Variants in TMEM91 observed in about 807,000 individuals in gnomAD.
TMEM91 encodes dispanin subfamily C member 3.
A neutral mutation model predicts 13.3 loss-of-function variants in TMEM91; 6 were observed. The observed-to-expected ratio is 0.45, with a 90% CI of 0.25 to 0.89. The LOEUF (loss-of-function observed/expected upper bound fraction) is 0.89, where lower values mean the gene tolerates loss of function less well. Among genes scored for constraint, TMEM91 ranks in the 40% least tolerant of loss-of-function variants. The pLI, the probability that TMEM91 is intolerant of heterozygous loss-of-function variation, is 0.19. For missense variants in TMEM91, 193 were observed against 228.7 expected, an observed-to-expected ratio of 0.84 and a Z score of 1.01; for synonymous variants, 87 against 101.7, an observed-to-expected ratio of 0.86 and a Z score of 0.87.
chr19:41,382,787 GAC>G lies in TMEM91; in HGVS notation c.228_229del (p.Asp76GlufsTer2). ...PPDVEDMSSSDSDSDWDGGSR... is the reference protein window; with the variant it reads ...PPDVEDMSSSXSDSDWDGGSR... Reference sequence around the variant, plus strand: ...CTGTCCGTAGGACATGTCATCCAGTGACAGTGACTCGGACTGGGATGGAGGCA... The same window carrying G: ...CTGTCCGTAGGACATGTCATCCAGTGAGTGACTCGGACTGGGATGGAGGCA... On this transcript the variant is annotated frameshift_variant, in exon 3 of 4. Coordinates refer to ENST00000392002, the MANE Select transcript of TMEM91 (RefSeq NM_001098821.2). LOFTEE classifies it high-confidence loss of function. The G allele has an allele frequency of 1.2e-6, 2 of 1,614,054 alleles. No individual in the cohort carries two copies. The highest frequency in any genetic ancestry group is 1.7e-6 in the Non-Finnish European group (2 of 1,179,938).
chr19:41,371,325 C>CCTTG (rs2038614637), intron 1 of TMEM91, among the ~76,000 whole-genome samples: 4 of 142,508 alleles, frequency 2.8e-5, no homozygotes, highest in Admixed American at 2.1e-4. Flanking sequence ...TTCCTTCCTT[C>CCTTG]CTTCCTTCCT....
intron 2 of TMEM91, among the ~76,000 whole-genome samples, chr19:41,382,324 T>C (rs1056924640): frequency 6.6e-6 from 1 of 152,106 alleles, no homozygotes; most frequent in Non-Finnish European, 1.5e-5. Context: ...AGGATACAAA[T>C]GTCAAAAGCC....
chr19:41,372,544 T>G (rs1304689919), upstream of TMEM91, among the ~76,000 whole-genome samples: 1 of 152,154 alleles, frequency 6.6e-6, no homozygotes, highest in African/African-American at 2.4e-5. Flanking sequence ...CTTTGTTTTT[T>G]CATAACATTG....
chr19:41,383,059 T>A lies in TMEM91; in HGVS notation c.360+138T>A, dbSNP rs527643511. 3.4e-5 allele frequency: 44 copies of A among 1,287,436 alleles called. No homozygotes were observed. In the South Asian group the frequency reaches 5.7e-4, roughly 17 times the overall value. 79.8% of individuals were successfully genotyped at this position (1,287,436 alleles called of 1,614,324 possible). ...TGAACTCAAATCCTGAGTCTGCCAC[T>A]CTCTGCAAGATTTTTTTTGAGTCTC... is the stretch of plus-strand genomic sequence containing the variant. On this transcript the variant is annotated intron_variant, in intron 3 of 3. Transcript: ENST00000392002.
At chr19:41,370,000 A>G (rs1028881028) in intron 1 of TMEM91, among the ~76,000 whole-genome samples, 11 of 151,642 alleles carry the variant, frequency 7.3e-5, no homozygotes, top group African/African-American at 2.2e-4. Flanking sequence ...AAACAAAACA[A>G]CTCCCCTATT....
At chr19:41,369,506 TA>T (rs569474645) in intron 1 of TMEM91, among the ~76,000 whole-genome samples, 321 of 123,228 alleles carry the variant, frequency 2.6e-3, no homozygotes, top group South Asian at 1.0e-2. Context: ...ACTGCACCTC[TA>T]AAAAAAAAAA....
chr19:41,379,427 G>C (rs2038817924), intron 2 of TMEM91, among the ~76,000 whole-genome samples: 1 of 150,638 alleles, frequency 6.6e-6, no homozygotes, highest in Non-Finnish European at 1.5e-5. Flanking sequence ...CCAGCTACTT[G>C]GGAGGCTGAG....
intron 1 of TMEM91, among the ~76,000 whole-genome samples, chr19:41,367,460 G>A (rs890371714): frequency 1.6e-4 from 25 of 152,042 alleles, no homozygotes; most frequent in African/African-American, 6.0e-4. Flanking sequence ...ATGAAACCTC[G>A]TGTCTACTAA....
chr19:41,375,560 G>C (rs1175831583), upstream of TMEM91, among the ~76,000 whole-genome samples: 1 of 150,814 alleles, frequency 6.6e-6, no homozygotes, highest in Non-Finnish European at 1.5e-5. Flanking sequence ...TTACAGGCGT[G>C]AGCCACTGCG....
intron 2 of TMEM91, 133 bp from the exon 3 acceptor site, chr19:41,382,639 G>T: frequency 1.5e-6 from 2 of 1,291,522 alleles, no homozygotes; most frequent in Non-Finnish European, 2.1e-6. Flanking sequence ...GCCCATCTCT[G>T]AACACTTTTT....
At chr19:41,383,509 TTTA>T (rs939859648) in intron 3 of TMEM91, 114 of 1,440,296 alleles carry the variant, frequency 7.9e-5, no homozygotes, top group Admixed American at 6.1e-4. Context: ...TTTTTTAAAA[TTTA>T]TTATTATTAT....
chr19:41,377,561 G>C, intron 1 of TMEM91, among the ~76,000 whole-genome samples: 1 of 151,904 alleles, frequency 6.6e-6, no homozygotes, highest in Non-Finnish European at 1.5e-5. Flanking sequence ...GTGACTGGGA[G>C]GGGTGCCTGG....
intron 1 of TMEM91, among the ~76,000 whole-genome samples, chr19:41,371,350 CTTCCTTCCTTCCTTCCTTCT>C (rs1198919643): frequency 2.7e-5 from 4 of 148,202 alleles, no homozygotes; most frequent in Non-Finnish European, 3.0e-5. Context: ...TCCTTCCTTC[CTTCCTTCCTTCCTTCCTTCT>C]TTCCTTCCTT....
Position 41,371,349 on chromosome 19 carries a change from C to G in TMEM91, c.-29-6932C>G, listed in dbSNP as rs892482245. 2.9e-3 allele frequency among the ~76,000 whole-genome samples: 425 copies of G among 148,946 alleles called. 1 individual carries two copies. The highest frequency in any genetic ancestry group is 9.9e-3 in the African/African-American group (397 of 40,214). ...TCCTTCCTTCCTTCCTTCCTTCCTTCCTTCCTTCCTTCCTTCCTTCTTTCC... is the reference window on the plus strand; with the variant it reads ...TCCTTCCTTCCTTCCTTCCTTCCTTGCTTCCTTCCTTCCTTCCTTCTTTCC... On this transcript the variant is annotated intron_variant, in intron 1 of 3. Transcript: ENST00000413014.
At chr19:41,365,245 T>A (rs2038497939) in intron 1 of TMEM91, among the ~76,000 whole-genome samples, 1 of 152,046 alleles carries the variant, frequency 6.6e-6, no homozygotes, top group African/African-American at 2.4e-5. Context: ...ATAACTGTAA[T>A]CCCAGCCCTT....
chr19:41,374,117 C>T (rs546843245), upstream of TMEM91: 1 of 152,416 alleles, frequency 6.6e-6, no homozygotes, highest in Non-Finnish European at 1.5e-5. Flanking sequence ...CTTCTGTCGT[C>T]TGCCAGAAAC....
Position 41,383,745 on chromosome 19 carries a change from C to G in TMEM91, c.391C>G (p.Gln131Glu), listed in dbSNP as rs1056590556. ...TNKAWAKGDI[Q>E]GAGAASRRAF... The stretch of plus-strand genomic sequence containing the variant: ...CAAGGCTTGGGCCAAGGGGGACATC[C>G]AGGGGGCAGGGGCCGCCTCCCGCCG... Residue 131 changes from glutamine (Q) to glutamate (E), a missense_variant, in exon 4 of 4, where the codon CAG becomes GAG. Coordinates refer to ENST00000392002, the MANE Select transcript of TMEM91 (RefSeq NM_001098821.2). The G allele has an allele frequency of 2.5e-6, 4 of 1,607,900 alleles. No individual in the cohort carries two copies. The African/African-American group carries it at 4.0e-5, about 16-fold the overall frequency.
chr19:41,365,668 G>A (rs1963413), intron 1 of TMEM91, among the ~76,000 whole-genome samples: 85,761 of 147,360 alleles, frequency 0.58, 25,210 homozygotes, highest in Non-Finnish European at 0.6. Flanking sequence ...GCCTCCCAAA[G>A]TGCTGGGATT....
intron 1 of TMEM91, among the ~76,000 whole-genome samples, chr19:41,368,242 T>C (rs533550103): frequency 6.6e-6 from 1 of 151,746 alleles, no homozygotes; most frequent in African/African-American, 2.4e-5. Context: ...GAGACCCTCA[T>C]TTCTACGAAA....
Sources: gnomAD v4.1 joint callset for allele counts (sites outside exome capture counted in the v4.1 genomes callset) on GRCh38, gnomAD v4.1.1 for gene constraint, MANE v1.5 for transcripts, NCBI Gene and HGNC (gene_info 2026-07-23, HGNC 2026-07-21) for gene names.